The following EDDM3A variants were observed in gnomAD, a reference collection of about 807,000 sequenced individuals.
EDDM3A encodes epididymal protein 3A.
For synonymous variants in EDDM3A, 75 were observed against 60.4 expected, an observed-to-expected ratio of 1.24 and a Z score of -1.12; for missense variants, 199 against 177.4, an observed-to-expected ratio of 1.12 and a Z score of -0.69.
At chr14:20,745,483 G>A (rs554867902), upstream of EDDM3A, among the ~76,000 whole-genome samples, 32 of 149,754 alleles carry the variant, frequency 2.1e-4, 1 homozygote, top group South Asian at 5.3e-3. Flanking sequence ...CCGAGATCTC[G>A]CCACTGCACT....
At chr14:20,745,223 CA>C (rs68175858), upstream of EDDM3A, among the ~76,000 whole-genome samples, 5,924 of 134,896 alleles carry the variant, frequency 0.044, 150 homozygotes, top group Middle Eastern at 0.094. Flanking sequence ...AAGACCCTGT[CA>C]AAAAAAAAAA....
upstream of EDDM3A, among the ~76,000 whole-genome samples, chr14:20,742,262 A>T (rs1877457392): frequency 6.6e-6 from 1 of 152,232 alleles, no homozygotes; most frequent in South Asian, 2.1e-4. Context: ...TCCCAGGACC[A>T]GTCAAAGTAT....
intron 1 of EDDM3A, 98 bp from the exon 2 acceptor site, chr14:20,747,457 A>G (rs1877629565): frequency 1.4e-6 from 1 of 697,396 alleles, no homozygotes; most frequent in Admixed American, 2.8e-5. Flanking sequence ...ATAGCAATAT[A>G]GTGCCCAAGT....
chr14:20,739,719 T>G, the EDDM3A span, among the ~76,000 whole-genome samples: 1 of 152,196 alleles, frequency 6.6e-6, no homozygotes, highest in African/African-American at 2.4e-5. Flanking sequence ...ATGATAATAA[T>G]ACACTGAAAG....
rs760313877 is a variant in EDDM3A, at chr14:20,748,005, T to C, written c.425T>C (p.Ile142Thr). The C allele has an allele frequency of 3.7e-6, 6 of 1,602,242 alleles. No individual in the cohort carries two copies. The highest frequency in any genetic ancestry group is 5.1e-6 in the Non-Finnish European group (6 of 1,174,248). Residue 142 changes from isoleucine to threonine, a missense_variant, in exon 2 of 2, where the codon ATA becomes ACA. Ile to Thr is a moderately conservative substitution (Grantham distance 89). Transcript: ENST00000326842. ...YVDNIEDLRI[I>T]EPISN ...GATAACATAGAAGACCTGAGGATTATAGAACCTATCAGCAACTAGAAAGTC... is the reference window on the plus strand; with the variant it reads ...GATAACATAGAAGACCTGAGGATTACAGAACCTATCAGCAACTAGAAAGTC...
At chr14:20,741,633 C>G (rs1877436794), upstream of EDDM3A, among the ~76,000 whole-genome samples, 1 of 152,120 alleles carries the variant, frequency 6.6e-6, no homozygotes, top group Non-Finnish European at 1.5e-5. Context: ...AAAGACTGAC[C>G]AAACCACAAA....
the EDDM3A span, among the ~76,000 whole-genome samples, chr14:20,740,832 C>G: frequency 7.2e-6 from 1 of 139,420 alleles, no homozygotes; most frequent in African/African-American, 3.4e-5. Context: ...TGACAAGATG[C>G]AGGAATGGCC....
upstream of EDDM3A, among the ~76,000 whole-genome samples, chr14:20,743,289 C>A (rs1877491050): frequency 6.6e-6 from 1 of 152,174 alleles, no homozygotes; most frequent in Non-Finnish European, 1.5e-5. Flanking sequence ...GTGGCTCACG[C>A]TTTTAATCCC....
At chr14:20,738,513 T>C in the EDDM3A span, among the ~76,000 whole-genome samples, 1 of 134,828 alleles carries the variant, frequency 7.4e-6, no homozygotes, top group Non-Finnish European at 1.7e-5. Context: ...AAATAAACAG[T>C]AGCTCCTCCT....
chr14:20,748,267 TC>T lies in EDDM3A; in HGVS notation c.*244del. On this transcript the variant is annotated 3_prime_UTR_variant, in exon 2 of 2. Transcript: ENST00000326842. ...ACCCACATTTTTTCCAAGATTCAGC[TC>T]ATATGGCATCTGTCCTCGACTAACC... 1 of 428,992 alleles carries T rather than the reference TC, an allele frequency of 2.3e-6. No individual in the cohort carries two copies. The highest frequency in any genetic ancestry group is 4.3e-6 in the Non-Finnish European group (1 of 232,808). The allele number at this position is 428,992 out of a possible 1,614,324, so 26.6% of individuals were successfully genotyped here.
intron 1 of EDDM3A, among the ~76,000 whole-genome samples, 190 bp downstream of exon 1, chr14:20,746,182 CCT>C (rs1365535111): frequency 3.3e-5 from 5 of 152,332 alleles, no homozygotes; most frequent in Middle Eastern, 3.4e-3. Flanking sequence ...CGCCAGTCCT[CCT>C]AAGCACAGTG....
At chr14:20,738,506 T>TAAATAAAC in the EDDM3A span, among the ~76,000 whole-genome samples, 1,043 of 144,408 alleles carry the variant, frequency 7.2e-3, 12 homozygotes, top group African/African-American at 0.013. Context: ...AATAAATAAA[T>TAAATAAAC]AAACAGTAGC....
chr14:20,743,227 A>G (rs1395117208), upstream of EDDM3A, among the ~76,000 whole-genome samples: 1 of 152,212 alleles, frequency 6.6e-6, no homozygotes, highest in East Asian at 1.9e-4. Flanking sequence ...AGTAGTTCAC[A>G]AACATTTAAG....
intron 1 of EDDM3A, among the ~76,000 whole-genome samples, chr14:20,746,596 A>G (rs1877594917): frequency 6.6e-6 from 1 of 152,210 alleles, no homozygotes; most frequent in Admixed American, 6.5e-5. Flanking sequence ...TTATGATGGC[A>G]TTGTCAATAA....
At chr14:20,737,337 C>T in the EDDM3A span, among the ~76,000 whole-genome samples, 1 of 152,110 alleles carries the variant, frequency 6.6e-6, no homozygotes, top group Admixed American at 6.5e-5. Flanking sequence ...CCTGGGGTTA[C>T]AGGTGTGAGC....
chr14:20,742,223 T>C (rs1233792166), upstream of EDDM3A, among the ~76,000 whole-genome samples: 1 of 152,200 alleles, frequency 6.6e-6, no homozygotes, highest in Non-Finnish European at 1.5e-5. Flanking sequence ...CCTGGGCAGA[T>C]GGGAAACCAG....
the EDDM3A span, among the ~76,000 whole-genome samples, chr14:20,738,994 C>T: frequency 6.6e-6 from 1 of 152,140 alleles, no homozygotes; most frequent in Non-Finnish European, 1.5e-5. Flanking sequence ...GGAGGTTTCC[C>T]TTATGAATGC....
At chr14:20,738,630 T>C in the EDDM3A span, among the ~76,000 whole-genome samples, 7,496 of 152,234 alleles carry the variant, frequency 0.049, 208 homozygotes, top group Middle Eastern at 0.095. Context: ...TCTACCCTTT[T>C]AGGATCTTAG....
In EDDM3A at chr14:20,747,723, A is replaced by G. The variant is rs773892861; in HGVS notation, c.143A>G (p.Tyr48Cys). 1 of 1,614,220 alleles carries G rather than the reference A, an allele frequency of 6.2e-7. No individual in the cohort carries two copies. The highest frequency in any genetic ancestry group is 1.1e-5 in the South Asian group (1 of 91,086). Reference protein sequence around the residue: ...YLSPSREFKEYKCDVLMREKE... With the variant: ...YLSPSREFKECKCDVLMREKE... ...AGTCCAAGTCGAGAATTCAAAGAGT[A>G]CAAATGTGATGTCCTCATGAGAGAA... The change falls in exon 2 of 2, where the codon TAC becomes TGC. Residue 48 changes from tyrosine to cysteine, a missense_variant. Transcript: ENST00000326842.
Sources: allele counts gnomAD v4.1 joint callset (sites outside exome capture counted in the v4.1 genomes callset), GRCh38; gene constraint gnomAD v4.1.1; transcripts MANE v1.5; gene names NCBI Gene and HGNC (gene_info 2026-07-23, HGNC 2026-07-21).